The following PPP5C variants were observed in gnomAD, a reference collection of about 807,000 sequenced individuals.
The protein encoded by PPP5C is serine/threonine-protein phosphatase 5.
In PPP5C, 21 loss-of-function variants were observed where a neutral mutation model predicts 66.7. The ratio of observed to expected loss-of-function variants is 0.31; its 90% CI spans 0.22 to 0.45. The LOEUF (loss-of-function observed/expected upper bound fraction) is 0.45. Among genes scored for constraint, PPP5C ranks in the 20% least tolerant of loss-of-function variants. The pLI is 1.00. For synonymous variants in PPP5C, 246 were observed against 257.4 expected, an observed-to-expected ratio of 0.96 and a Z score of 0.43; for missense variants, 464 against 675.9, an observed-to-expected ratio of 0.69 and a Z score of 3.48.
chr19:46,389,407 A>AGTGTTGAT (rs1972962940), intron 11 of PPP5C, among the ~76,000 whole-genome samples: 1 of 32,310 alleles, frequency 3.1e-5, no homozygotes, highest in Admixed American at 3.0e-4. Context: ...ACACACACAC[A>AGTGTTGAT]CACACACACA....
rs778102010 is a variant in PPP5C at position 46,390,128 on chromosome 19, C to A, written c.1433C>A (p.Ala478Glu). The change falls in exon 12 of 13, where the codon GCA becomes GAA. Residue 478 changes from alanine to glutamate, a missense_variant. This residue lies in a region of PPP5C where 387 missense variants were observed against 626.0 expected (regional missense o/e 0.62). Coordinates refer to ENST00000012443, the MANE Select transcript of PPP5C (RefSeq NM_006247.4). ...CGGCCTCAGTTCCACCAGTTCACAG[C>A]AGTGGTGAGTCACCCCTCAGGGCCC... ...DLRPQFHQFT[A>E]VPHPNVKPMA... The A allele has an allele frequency of 6.2e-7, 1 of 1,613,886 alleles. No homozygotes were observed. Among genetic ancestry groups the A allele is most frequent in the Non-Finnish European group, 8.5e-7 (1 of 1,179,792 alleles).
intron 11 of PPP5C, among the ~76,000 whole-genome samples, chr19:46,389,473 T>A: frequency 7.2e-6 from 1 of 138,264 alleles, no homozygotes; most frequent in Admixed American, 7.4e-5. Context: ...TGTTGATCCC[T>A]TGCCCCCACC....
Position 46,383,390 on chromosome 19 carries a change from T to C in PPP5C, c.634-21T>C, listed in dbSNP as rs1002811638. 26 of 1,607,638 alleles carry C rather than the reference T, an allele frequency of 1.6e-5. No individual in the cohort carries two copies. Among genetic ancestry groups the C allele is most frequent in the Non-Finnish European group, 2.0e-5 (24 of 1,177,210 alleles). On this transcript the variant is annotated intron_variant, in intron 4 of 12. Transcript: ENST00000012443. This position sits in a 1 kb window ranked among gnomAD's most constrained non-coding sequence, Gnocchi z 5.0. The stretch of plus-strand genomic sequence containing the variant: ...CAGCAGCCCCTGCAGCCGGTCCCAC[T>C]GAGTCTGCCCTGCCTTCCAGATTCT...
intron 11 of PPP5C, among the ~76,000 whole-genome samples, chr19:46,389,441 ACACACACACACACACACACAGT>A (rs1972967428): frequency 3.4e-5 from 2 of 58,184 alleles, no homozygotes; most frequent in African/African-American, 1.4e-4. Context: ...ACACACACAC[ACACACACACACACACACACAGT>A]GTTGATCCCT....
Position 46,348,546 on chromosome 19 carries a change from G to A in PPP5C, c.121+1329G>A, listed in dbSNP as rs368432757. Among the ~76,000 whole-genome samples the A allele has an allele frequency of 5.3e-5, 8 of 151,954 alleles. No homozygotes were observed. In the East Asian group the frequency reaches 9.7e-4, roughly 18 times the overall value. On this transcript the variant is annotated intron_variant, in intron 1 of 12. Coordinates refer to ENST00000012443, the MANE Select transcript of PPP5C (RefSeq NM_006247.4). ...CCAGGCTGGTGTCGAACCTCTGACCGCAGGTGATCCGCCCATCTCGGCCTC... is the reference window on the plus strand; with the variant it reads ...CCAGGCTGGTGTCGAACCTCTGACCACAGGTGATCCGCCCATCTCGGCCTC...
chr19:46,388,180 A>C lies in PPP5C; in HGVS notation c.1136-228A>C. 1.9e-6 allele frequency: 1 copy of C among 523,020 alleles called. No individual in the cohort carries two copies. Among genetic ancestry groups the C allele is most frequent in the South Asian group, 3.4e-5 (1 of 29,692 alleles). 32.4% of individuals were successfully genotyped at this position (523,020 alleles called of 1,614,324 possible). ...GAAAGCTCTATCTGGCTTCGGGGCC[A>C]CAGGGGATTGAATGGGGTCTGGAGG... On this transcript the variant is annotated intron_variant, in intron 9 of 12. Coordinates refer to ENST00000012443, the MANE Select transcript of PPP5C (RefSeq NM_006247.4). The surrounding 1 kb of genome is among the most constrained non-coding windows in gnomAD (Gnocchi z 4.9).
At position 46,384,879 on chromosome 19, in the gene PPP5C, C is replaced by T; in HGVS notation, c.874C>T (p.Leu292=). 1.2e-6 allele frequency: 2 copies of T among 1,614,142 alleles called. No individual in the cohort carries two copies. Among genetic ancestry groups the T allele is most frequent in the Middle Eastern group, 1.7e-4 (1 of 6,060 alleles). ...VILTLFGFKL[L]YPDHFHLLRG... ...CCTCACCCTTTTCGGCTTCAAGCTC[C>T]TGTACCCAGATCACTTTCACCTCCT... Residue 292 remains leucine (L), a synonymous_variant, in exon 7 of 13, where the codon CTG becomes TTG. Transcript: ENST00000012443.
At position 46,388,240 on chromosome 19, in the gene PPP5C, TCA is replaced by T. The variant is rs912968083; in HGVS notation, c.1136-165_1136-164del. ...CAGAGAGGGTGGGGGTGGCTCAGAA[TCA>T]CAGTCACCTGTCCTGAATGTCCATG... On this transcript the variant is annotated intron_variant, in intron 9 of 12. Coordinates refer to ENST00000012443, the MANE Select transcript of PPP5C (RefSeq NM_006247.4). This position sits in a 1 kb window ranked among gnomAD's most constrained non-coding sequence, Gnocchi z 4.9. 55 of 700,248 alleles carry T rather than the reference TCA, an allele frequency of 7.9e-5. 1 individual carries two copies. Among genetic ancestry groups the T allele is most frequent in the East Asian group, 2.8e-5 (1 of 36,286 alleles). The allele number at this position is 700,248 out of a possible 1,614,324, so 43.4% of individuals were successfully genotyped here. A position where few individuals can be genotyped will look rare whatever the true frequency, so the allele number is the denominator to read the frequency against.
Position 46,384,821 on chromosome 19 carries a change from T to C in PPP5C, c.816T>C (p.Phe272=), listed in dbSNP as rs1232527835. ...ETNPYIFNGD[F]VDRGSFSVEV... Reference sequence around the variant, plus strand: ...CAGGACAGATATTTAATGGTGACTTTGTGGACCGAGGCTCCTTCTCTGTAG... The same window carrying C: ...CAGGACAGATATTTAATGGTGACTTCGTGGACCGAGGCTCCTTCTCTGTAG... Residue 272 remains phenylalanine, a synonymous_variant, in exon 7 of 13, where the codon TTT becomes TTC. Transcript: ENST00000012443. The C allele has an allele frequency of 3.1e-6, 5 of 1,613,902 alleles. No homozygotes were observed. Among genetic ancestry groups the C allele is most frequent in the Non-Finnish European group, 4.2e-6 (5 of 1,179,900 alleles).
At chr19:46,384,955 G>A (rs1219629645) in intron 7 of PPP5C, 46 bp downstream of exon 7, 1 of 1,397,722 alleles carries the variant, frequency 7.2e-7, no homozygotes, top group Admixed American at 1.7e-5. Flanking sequence ...GGGGTCCTGA[G>A]TGGGGCACTC....
intron 2 of PPP5C, among the ~76,000 whole-genome samples, chr19:46,356,611 A>G (rs907394666): frequency 1.3e-5 from 2 of 152,222 alleles, no homozygotes; most frequent in Non-Finnish European, 2.9e-5. Flanking sequence ...AAGGTCACCC[A>G]GCAGGGAAGT....
At chr19:46,381,166 C>T (rs1972784266) in intron 4 of PPP5C, among the ~76,000 whole-genome samples, 1 of 152,002 alleles carries the variant, frequency 6.6e-6, no homozygotes, top group Middle Eastern at 3.2e-3. Context: ...TTATTTCTTA[C>T]ATTGTATTTT....
chr19:46,382,985 C>T, intron 4 of PPP5C: 1 of 1,089,294 alleles, frequency 9.2e-7, no homozygotes, highest in Non-Finnish European at 1.1e-6. Flanking sequence ...CCGTTGAAAG[C>T]ACCAGTGTTG....
At chr19:46,356,652 T>C (rs1384414380) in intron 2 of PPP5C, among the ~76,000 whole-genome samples, 1 of 152,230 alleles carries the variant, frequency 6.6e-6, no homozygotes, top group Admixed American at 6.5e-5. Context: ...CCCTAGTCCA[T>C]GCTTGTAACT....
At chr19:46,386,321 A>G (rs930522901) in intron 7 of PPP5C, among the ~76,000 whole-genome samples, 3 of 152,152 alleles carry the variant, frequency 2.0e-5, no homozygotes, top group Non-Finnish European at 4.4e-5. Context: ...GAGGTGAGTG[A>G]TAGGCTGGGG....
In PPP5C at chr19:46,388,574, C is replaced by A. The variant is rs373786217; in HGVS notation, c.1198C>A (p.Arg400=). 6.2e-7 allele frequency: 1 copy of A among 1,613,920 alleles called. No individual in the cohort carries two copies. The highest frequency in any genetic ancestry group is 8.5e-7 in the Non-Finnish European group (1 of 1,179,958). Residue 400 remains arginine, a synonymous_variant, in exon 11 of 13, where the codon CGG becomes AGG. Coordinates refer to ENST00000012443, the MANE Select transcript of PPP5C (RefSeq NM_006247.4). The surrounding 1 kb of genome is among the most constrained non-coding windows in gnomAD (Gnocchi z 4.9). ...TCAGAACGGGCGCTCGATCAGCAAG[C>A]GGGGCGTGAGCTGTCAGTTTGGGCC... is the stretch of plus-strand genomic sequence containing the variant. ...QPQNGRSISK[R]GVSCQFGPDV...
chr19:46,383,085 C>T lies in PPP5C; in HGVS notation c.634-326C>T. On this transcript the variant is annotated intron_variant, in intron 4 of 12. Coordinates refer to ENST00000012443, the MANE Select transcript of PPP5C (RefSeq NM_006247.4). This position sits in a 1 kb window ranked among gnomAD's most constrained non-coding sequence, Gnocchi z 5.0. ...TTATGACAGTGACATTGCGCTGTGT[C>T]CAGGCCAGTTCTTTTATAAAATGTT... The T allele has an allele frequency of 1.7e-6, 2 of 1,173,774 alleles. No individual in the cohort carries two copies. The highest frequency in any genetic ancestry group is 2.2e-6 in the Non-Finnish European group (2 of 910,148). 72.7% of individuals were successfully genotyped at this position (1,173,774 alleles called of 1,614,324 possible). A position where few individuals can be genotyped will look rare whatever the true frequency, so the allele number is the denominator to read the frequency against.
chr19:46,375,222 G>C (rs1031869649), intron 2 of PPP5C, among the ~76,000 whole-genome samples: 6 of 152,038 alleles, frequency 3.9e-5, no homozygotes, highest in Non-Finnish European at 8.8e-5. Flanking sequence ...GACCCAGCCG[G>C]GCCCTTCCTC....
chr19:46,390,516 CAG>C lies in PPP5C; in HGVS notation c.*171_*172del, dbSNP rs907218300. On this transcript the variant is annotated 3_prime_UTR_variant, in exon 13 of 13. Coordinates refer to ENST00000012443, the MANE Select transcript of PPP5C (RefSeq NM_006247.4). ...TTTGCAGAGGGGGTAGGGGCAGAGTCAGGGGCTGGCCAGAGGGTCTGCTCCCT... is the reference window on the plus strand; with the variant it reads ...TTTGCAGAGGGGGTAGGGGCAGAGTCGGGCTGGCCAGAGGGTCTGCTCCCT... 12 of 1,456,766 alleles carry C rather than the reference CAG, an allele frequency of 8.2e-6. No individual in the cohort carries two copies. Among genetic ancestry groups the C allele is most frequent in the African/African-American group, 2.8e-5 (2 of 71,022 alleles). 90.2% of individuals were successfully genotyped at this position (1,456,766 alleles called of 1,614,324 possible). A position where few individuals can be genotyped will look rare whatever the true frequency, so the allele number is the denominator to read the frequency against.
Sources: gnomAD v4.1 joint callset for allele counts (sites outside exome capture counted in the v4.1 genomes callset) on GRCh38, gnomAD v4.1.1 for gene constraint, gnomAD v4.1.1 regional missense constraint, Gnocchi (gnomAD v3.1) non-coding constraint, MANE v1.5 for transcripts, NCBI Gene and HGNC (gene_info 2026-07-23, HGNC 2026-07-21) for gene names.